The following UNC45B variants were observed in gnomAD, a reference collection of about 807,000 sequenced individuals.
The protein encoded by UNC45B is protein unc-45 homolog B.
A neutral mutation model predicts 98.7 loss-of-function variants in UNC45B; 78 were observed. That is an observed-to-expected ratio of 0.79 (90% CI 0.66 to 0.95). The LOEUF (loss-of-function observed/expected upper bound fraction) is 0.95, where lower values mean the gene tolerates loss of function less well. UNC45B is among the 40% of genes least tolerant of loss of function. UNC45B has a pLI of 0.00. For missense variants in UNC45B, 1,225 were observed against 1,184.9 expected (o/e 1.03, Z -0.50); for synonymous variants, 462 against 480.4 (o/e 0.96, Z 0.50).
At chr17:35,151,616 G>A (rs1055867404) in intron 4 of UNC45B, among the ~76,000 whole-genome samples, 6 of 152,164 alleles carry the variant, frequency 3.9e-5, no homozygotes, top group African/African-American at 1.4e-4. Context: ...CTCTCTGTAA[G>A]AGCCATAAGG....
chr17:35,159,540 A>T lies in UNC45B; in HGVS notation c.974A>T (p.Asp325Val). The change falls in exon 8 of 20, where the codon GAT becomes GTT. Residue 325 changes from aspartate (D) to valine (V), a missense_variant. Transcript: ENST00000394570. ...HDNSRTIYVV[D>V]NGLRKILKVV... is the part of the protein sequence containing the mutation. ...AACTCACGTACCATCTATGTGGTGG[A>T]TAATGGTGAGAAGAGGGGAAGGTTT... is the stretch of plus-strand genomic sequence containing the variant. The T allele has an allele frequency of 6.2e-7, 1 of 1,613,376 alleles. No individual in the cohort carries two copies. The highest frequency in any genetic ancestry group is 1.3e-5 in the African/African-American group (1 of 75,018).
chr17:35,173,690 A>C (rs1436601324), intron 13 of UNC45B, among the ~76,000 whole-genome samples: 2 of 152,026 alleles, frequency 1.3e-5, no homozygotes, highest in Non-Finnish European at 2.9e-5. Context: ...TGGTGATTAT[A>C]TTGGGCCCAC....
chr17:35,175,843 C>A (rs1471349799), intron 14 of UNC45B, 125 bp from the exon 15 acceptor site: 4 of 820,380 alleles, frequency 4.9e-6, no homozygotes, highest in Non-Finnish European at 8.0e-6. Context: ...ACACAAGTGG[C>A]ACTTTCCATA....
Position 35,150,108 on chromosome 17 carries a change from AC to A in UNC45B, c.268del (p.Leu90TrpfsTer28). The A allele has an allele frequency of 6.2e-7, 1 of 1,613,562 alleles. No individual in the cohort carries two copies. The highest frequency in any genetic ancestry group is 8.5e-7 in the Non-Finnish European group (1 of 1,179,750). ...ALYRRCQALE[H>X]LGKLDQAFKD... ...TATCGGCGATGCCAGGCACTGGAGC[AC>A]CTGGGGAAGCTGGACCAGGCCTTCA... On this transcript the variant is annotated frameshift_variant, in exon 4 of 20. Transcript: ENST00000394570. LOFTEE classifies it high-confidence loss of function.
Position 35,148,256 on chromosome 17 carries a change from C to T in UNC45B, c.1-8C>T, listed in dbSNP as rs2091988501. On this transcript the variant is annotated splice_polypyrimidine_tract_variant and splice_region_variant and intron_variant, in intron 1 of 19. Coordinates refer to ENST00000394570, the MANE Select transcript of UNC45B (RefSeq NM_001267052.2). ...GCTGACCAGACAGAGCTTCTCCTGT[C>T]CCAGCAGATGGCAGAGGTGGAAGCG... The T allele has an allele frequency of 3.1e-6, 5 of 1,613,906 alleles. No homozygotes were observed. In the East Asian group the frequency reaches 6.7e-5, roughly 22 times the overall value.
At chr17:35,160,328 G>C (rs2092094020) in intron 8 of UNC45B, among the ~76,000 whole-genome samples, 2 of 152,202 alleles carry the variant, frequency 1.3e-5, no homozygotes, top group African/African-American at 4.8e-5. Context: ...GTAGCTATCT[G>C]CTTAGGAATA....
At chr17:35,152,206 A>G (rs1386832197) in intron 4 of UNC45B, among the ~76,000 whole-genome samples, 4 of 152,204 alleles carry the variant, frequency 2.6e-5, no homozygotes, top group African/African-American at 9.6e-5. Flanking sequence ...AGATCGTGCC[A>G]CTGCGCTCCA....
At chr17:35,181,430 G>C (rs1597936467) in intron 18 of UNC45B, among the ~76,000 whole-genome samples, 1 of 152,306 alleles carries the variant, frequency 6.6e-6, no homozygotes, top group African/African-American at 2.4e-5. Flanking sequence ...GTGAGACCCA[G>C]TCTGTTTACC....
intron 12 of UNC45B, among the ~76,000 whole-genome samples, chr17:35,170,518 C>T (rs1022805400): frequency 1.5e-5 from 2 of 132,180 alleles, no homozygotes; most frequent in African/African-American, 2.9e-5. Context: ...TCTTGAAGGA[C>T]CTGAGGCAGC....
chr17:35,175,796 G>A (rs541336771), intron 14 of UNC45B, among the ~76,000 whole-genome samples, 172 bp from the exon 15 acceptor site: 106 of 152,288 alleles, frequency 7.0e-4, no homozygotes, highest in African/African-American at 2.2e-3. Flanking sequence ...TTCCCATGAT[G>A]TCATCTTCCC....
intron 4 of UNC45B, among the ~76,000 whole-genome samples, chr17:35,151,484 T>C (rs1219528130): frequency 6.6e-6 from 1 of 152,116 alleles, no homozygotes; most frequent in Non-Finnish European, 1.5e-5. Flanking sequence ...GCCAGGAGCA[T>C]AAAATATTTT....
At chr17:35,159,238 A>G (rs971356573) in intron 7 of UNC45B, 137 bp from the exon 8 acceptor site, 1 of 882,886 alleles carries the variant, frequency 1.1e-6, no homozygotes, top group Non-Finnish European at 1.7e-6. Context: ...GGGCAACACT[A>G]TACTCCCCTG....
At chr17:35,185,705 A>G (rs949036313) in intron 19 of UNC45B, among the ~76,000 whole-genome samples, 24 of 152,098 alleles carry the variant, frequency 1.6e-4, no homozygotes, top group African/African-American at 4.8e-4. Context: ...CTTTCCATGT[A>G]TCATCTCATT....
intron 16 of UNC45B, 74 bp from the exon 17 acceptor site, chr17:35,177,421 T>C: frequency 9.4e-7 from 1 of 1,064,702 alleles, no homozygotes. Context: ...ACTTTACAGC[T>C]GGTCACCTAT....
At chr17:35,165,333 C>T (rs1380736570) in intron 9 of UNC45B, among the ~76,000 whole-genome samples, 1 of 152,228 alleles carries the variant, frequency 6.6e-6, no homozygotes, top group Admixed American at 6.5e-5. Context: ...CTCACTGGTG[C>T]TCCAGCATCA....
chr17:35,155,562 GT>G, intron 7 of UNC45B, 98 bp downstream of exon 7: 1 of 1,293,224 alleles, frequency 7.7e-7, no homozygotes, highest in Non-Finnish European at 1.1e-6. Flanking sequence ...GGGTGGCTTG[GT>G]TTTATGTATT....
chr17:35,164,295 G>A, intron 9 of UNC45B, 129 bp downstream of exon 9: 2 of 1,175,492 alleles, frequency 1.7e-6, no homozygotes, highest in Non-Finnish European at 2.3e-6. Context: ...CAGAAATTTG[G>A]GAGTGGTTTG....
chr17:35,176,375 T>C (rs1326725306), intron 15 of UNC45B, among the ~76,000 whole-genome samples: 1 of 152,122 alleles, frequency 6.6e-6, no homozygotes, highest in Non-Finnish European at 1.5e-5. Context: ...AGCTTCTTCA[T>C]CTGTAAAATA....
At chr17:35,181,699 G>A (rs1484557459) in intron 18 of UNC45B, among the ~76,000 whole-genome samples, 2 of 150,426 alleles carry the variant, frequency 1.3e-5, no homozygotes, top group Non-Finnish European at 2.9e-5. Flanking sequence ...CCTGAGACAT[G>A]AGAATCACTT....
Sources: gnomAD v4.1 joint callset for allele counts (sites outside exome capture counted in the v4.1 genomes callset) on GRCh38, gnomAD v4.1.1 for gene constraint, MANE v1.5 for transcripts, NCBI Gene and HGNC (gene_info 2026-07-23, HGNC 2026-07-21) for gene names.